Variants in FAM135B observed in about 807,000 individuals in gnomAD.
FAM135B encodes protein FAM135B.
FAM135B carries 43 observed loss-of-function variants against 127.7 expected under a neutral mutation model. The observed-to-expected ratio is 0.34, with a 90% confidence interval of 0.26 to 0.43. The LOEUF (loss-of-function observed/expected upper bound fraction) is 0.43. Among genes scored for constraint, FAM135B ranks in the 20% least tolerant of loss-of-function variants. The pLI is 1.00. For synonymous variants in FAM135B, 670 were observed against 665.1 expected (o/e 1.01, Z -0.11); for missense variants, 1,558 against 1,725.6 (o/e 0.90, Z 1.72).
At chr8:138,304,407 T>C (rs1826089920) in intron 3 of FAM135B, among the ~76,000 whole-genome samples, 1 of 152,148 alleles carries the variant, frequency 6.6e-6, no homozygotes, top group Non-Finnish European at 1.5e-5. Context: ...AGCACAGAAA[T>C]GCAGGTGGGG....
chr8:138,311,503 C>T (rs1826683049), intron 2 of FAM135B, among the ~76,000 whole-genome samples: 1 of 152,162 alleles, frequency 6.6e-6, no homozygotes, highest in African/African-American at 2.4e-5. Flanking sequence ...TCTAATGTGC[C>T]CTCTTTTGCC....
At chr8:138,238,983 ACAGGGATGT>A (rs1820517304) in intron 7 of FAM135B, among the ~76,000 whole-genome samples, 1 of 152,238 alleles carries the variant, frequency 6.6e-6, no homozygotes, top group Non-Finnish European at 1.5e-5. Context: ...CTGGTCAAAG[ACAGGGATGT>A]CTGCTTTGAC....
At chr8:138,259,040 A>G (rs1032777431) in intron 4 of FAM135B, among the ~76,000 whole-genome samples, 1 of 152,212 alleles carries the variant, frequency 6.6e-6, no homozygotes, top group African/African-American at 2.4e-5. Flanking sequence ...TGTGGATAAA[A>G]CTATGAGTTA....
chr8:138,196,438 C>T (rs776278115), intron 8 of FAM135B, among the ~76,000 whole-genome samples: 1 of 152,146 alleles, frequency 6.6e-6, no homozygotes, highest in Non-Finnish European at 1.5e-5. Context: ...TAACCCTGTA[C>T]CTACTCCTTT....
chr8:138,408,795 C>A (rs1002081209), intron 1 of FAM135B, among the ~76,000 whole-genome samples: 1 of 152,026 alleles, frequency 6.6e-6, no homozygotes, highest in Non-Finnish European at 1.5e-5. Context: ...GGGAAATCAC[C>A]CCCATGATCC....
intron 2 of FAM135B, among the ~76,000 whole-genome samples, chr8:138,315,916 T>G (rs779868886): frequency 6.6e-6 from 1 of 152,150 alleles, no homozygotes; most frequent in African/African-American, 2.4e-5. Flanking sequence ...CTTGCAGATA[T>G]ATAGTATAAA....
At chr8:138,165,679 T>C (rs1158611997) in intron 12 of FAM135B, among the ~76,000 whole-genome samples, 1 of 152,168 alleles carries the variant, frequency 6.6e-6, no homozygotes, top group African/African-American at 2.4e-5. Flanking sequence ...CATATTAATA[T>C]ACATGCATAC....
rs191356902 is a variant in FAM135B at position 138,152,389 on chromosome 8, C to T, written c.2086G>A (p.Ala696Thr). 6.3e-5 allele frequency: 101 copies of T among 1,614,124 alleles called. No individual in the cohort carries two copies. The Admixed American group carries it at 8.2e-4, about 13-fold the overall frequency. ...GCCCTGCTTCGGGCCTCTGACCAGG[C>T]GACGGAGCTTGGCTCACTCTCAATG... ...SGIESEPSSVAWSEARSRALE... is the reference protein window; with the variant it reads ...SGIESEPSSVTWSEARSRALE... The change falls in exon 13 of 20, where the codon GCC becomes ACC. Residue 696 changes from alanine to threonine, a missense_variant. By Grantham distance (58) the Ala-to-Thr change is moderately conservative. Around this residue, in one of 5 missense-constraint regions of FAM135B, gnomAD observed 923 missense variants for 865.3 expected, o/e 1.07. Transcript: ENST00000395297.
chr8:138,392,441 G>C (rs1832630661), intron 1 of FAM135B, among the ~76,000 whole-genome samples: 1 of 152,178 alleles, frequency 6.6e-6, no homozygotes, highest in Non-Finnish European at 1.5e-5. Context: ...AGTAAATCCT[G>C]TATTTGTTGC....
At position 138,153,195 on chromosome 8, in the gene FAM135B, G is replaced by T. The variant is rs758490772; in HGVS notation, c.1280C>A (p.Pro427His). ...ACTTGTCACTGGAACATCAAAATTA[G>T]GATAAACACTCAAGTTATGCCCTAC... ...PATGHNLSVY[P>H]NFDVPVTSPT... The change falls in exon 13 of 20, where the codon CCT (proline) becomes CAT (histidine). Residue 427 changes from proline to histidine, a missense_variant. By Grantham distance (77) the Pro-to-His change is moderately conservative. Coordinates refer to ENST00000395297, the MANE Select transcript of FAM135B (RefSeq NM_015912.4). The T allele has an allele frequency of 6.3e-7, 1 of 1,575,654 alleles. No homozygotes were observed. Among genetic ancestry groups the T allele is most frequent in the South Asian group, 1.2e-5 (1 of 85,482 alleles).
intron 7 of FAM135B, among the ~76,000 whole-genome samples, chr8:138,206,656 TCCAGCATCCCCTCCACCTACCCATAAC>T (rs1411270706): frequency 8.8e-6 from 1 of 113,222 alleles, no homozygotes; most frequent in African/African-American, 3.2e-5. Context: ...TACACAGAAC[TCCAGCATCCCCTCCACCTACCCATAAC>T]TCTATCATCC....
chr8:138,219,607 T>C (rs971990781), intron 7 of FAM135B, among the ~76,000 whole-genome samples: 2 of 152,212 alleles, frequency 1.3e-5, no homozygotes, highest in Non-Finnish European at 2.9e-5. Context: ...CAGGCCTTCC[T>C]ATTCCTCCAC....
At chr8:138,479,469 T>A (rs942244250) in intron 1 of FAM135B, among the ~76,000 whole-genome samples, 1 of 152,330 alleles carries the variant, frequency 6.6e-6, no homozygotes, top group Non-Finnish European at 1.5e-5. Context: ...ACAATGTTGA[T>A]AGAGGCTTGT....
intron 6 of FAM135B, among the ~76,000 whole-genome samples, chr8:138,244,338 G>A (rs1563813595): frequency 6.6e-6 from 1 of 152,106 alleles, no homozygotes. Flanking sequence ...CTCAGAGTAT[G>A]GTCAAGCAGT....
At chr8:138,272,903 A>G (rs974312243) in intron 3 of FAM135B, among the ~76,000 whole-genome samples, 9 of 152,198 alleles carry the variant, frequency 5.9e-5, no homozygotes, top group Non-Finnish European at 1.2e-4. Flanking sequence ...TCTGCCATTT[A>G]TACACTGTAT....
At chr8:138,449,240 T>C (rs1362452522) in intron 1 of FAM135B, among the ~76,000 whole-genome samples, 1 of 152,098 alleles carries the variant, frequency 6.6e-6, no homozygotes, top group Non-Finnish European at 1.5e-5. Flanking sequence ...TTAAGTAGAA[T>C]AAAAGACAAG....
intron 1 of FAM135B, among the ~76,000 whole-genome samples, chr8:138,431,847 A>G (rs932984933): frequency 1.3e-5 from 2 of 152,214 alleles, no homozygotes. Context: ...CTCCAGACTC[A>G]GATTGACAGA....
chr8:138,477,083 C>T (rs1385190590), intron 1 of FAM135B, among the ~76,000 whole-genome samples: 2 of 152,176 alleles, frequency 1.3e-5, no homozygotes, highest in African/African-American at 4.8e-5. Context: ...CATCGTCCTT[C>T]CTTGCATCTG....
chr8:138,179,337 C>T (rs1814783734), intron 9 of FAM135B, among the ~76,000 whole-genome samples: 1 of 152,192 alleles, frequency 6.6e-6, no homozygotes, highest in Admixed American at 6.5e-5. Flanking sequence ...GCAGTTATAA[C>T]TTCCAATCAT....
Sources: gnomAD v4.1 joint callset for allele counts (sites outside exome capture counted in the v4.1 genomes callset) on GRCh38, gnomAD v4.1.1 for gene constraint, gnomAD v4.1.1 regional missense constraint, MANE v1.5 for transcripts, NCBI Gene and HGNC (gene_info 2026-07-23, HGNC 2026-07-21) for gene names.